Variants in GRID2 observed in about 807,000 individuals in gnomAD.
The protein encoded by GRID2 is glutamate receptor ionotropic, delta-2.
Under a neutral mutation model 114.8 loss-of-function variants are expected in GRID2, and 33 were observed. The ratio of observed to expected loss-of-function variants is 0.29; its 90% CI spans 0.22 to 0.38. The LOEUF (loss-of-function observed/expected upper bound fraction) is 0.38, where lower values mean the gene tolerates loss of function less well. GRID2 is among the 10% of genes least tolerant of loss of function. GRID2 has a pLI of 1.00. For missense variants in GRID2, 1,184 were observed against 1,257.7 expected (o/e 0.94, Z 0.89); for synonymous variants, 505 against 449.9 (o/e 1.12, Z -1.55).
At position 93,034,290 on chromosome 4, in the gene GRID2, G is replaced by A. The variant is rs138898637; in HGVS notation, c.245-50705G>A. Among the ~76,000 whole-genome samples, 296 of 152,246 alleles carry A rather than the reference G, an allele frequency of 1.9e-3. 2 individuals carry two copies. Among genetic ancestry groups the A allele is most frequent in the African/African-American group, 6.9e-3 (288 of 41,540 alleles). On this transcript the variant is annotated intron_variant, in intron 2 of 15. Transcript: ENST00000282020. ...TTCTCAAATAATAGAAGGCAATAAT[G>A]TGGGCAAGGCAGACAGTCTGTCATC...
At chr4:92,960,892 A>G in intron 2 of GRID2, among the ~76,000 whole-genome samples, 1 of 151,618 alleles carries the variant, frequency 6.6e-6, no homozygotes, top group East Asian at 1.9e-4. Context: ...TTTTTATCTT[A>G]GCATATCAGT....
intron 1 of GRID2, among the ~76,000 whole-genome samples, chr4:92,306,864 C>T (rs1181045232): frequency 1.3e-5 from 2 of 152,120 alleles, no homozygotes; most frequent in African/African-American, 4.8e-5. Flanking sequence ...ATCCTACTAA[C>T]AGATATAGTT....
At chr4:93,635,661 T>A (rs879548061) in intron 14 of GRID2, among the ~76,000 whole-genome samples, 12 of 152,184 alleles carry the variant, frequency 7.9e-5, no homozygotes, top group East Asian at 1.9e-4. Context: ...TCTATCATTC[T>A]TTTTCTGTTT....
exon 2 of GRID2, chr4:93,808,974 C>A (rs373419291): frequency 6.6e-6 from 1 of 152,202 alleles, no homozygotes; most frequent in East Asian, 1.9e-4. Context: ...TTATTTAAAG[C>A]AAGGATTTGG....
intron 14 of GRID2, among the ~76,000 whole-genome samples, chr4:93,763,769 G>A (rs1484315491): frequency 6.6e-6 from 1 of 152,128 alleles, no homozygotes; most frequent in East Asian, 1.9e-4. Context: ...CCATAAAATG[G>A]GGGAGGAGAA....
chr4:92,484,855 A>T (rs1722788533), intron 1 of GRID2, among the ~76,000 whole-genome samples: 2 of 152,030 alleles, frequency 1.3e-5, no homozygotes, highest in Admixed American at 6.6e-5. Flanking sequence ...AAGCTATTTT[A>T]CATTATTATG....
At chr4:93,302,635 C>T (rs1391598515) in intron 8 of GRID2, 1 of 455,248 alleles carries the variant, frequency 2.2e-6, no homozygotes, top group Non-Finnish European at 4.4e-6. Flanking sequence ...ATCTTCTGTA[C>T]ACTTGCAAAG....
chr4:92,308,607 A>G (rs1042381769), intron 1 of GRID2, among the ~76,000 whole-genome samples: 1 of 152,170 alleles, frequency 6.6e-6, no homozygotes, highest in Non-Finnish European at 1.5e-5. Flanking sequence ...GGTAAATAAA[A>G]GGTGTCAACA....
chr4:93,195,904 T>A (rs1479683865), intron 4 of GRID2, among the ~76,000 whole-genome samples: 1 of 152,188 alleles, frequency 6.6e-6, no homozygotes, highest in Admixed American at 6.5e-5. Context: ...AGCAGATGAC[T>A]TCGAATGTTC....
intron 1 of GRID2, among the ~76,000 whole-genome samples, chr4:92,348,026 G>T (rs975299632): frequency 6.6e-5 from 10 of 152,302 alleles, no homozygotes; most frequent in South Asian, 2.1e-4. Context: ...CATAGTCATA[G>T]TTCACTGCAA....
Position 93,470,560 on chromosome 4 carries a change from C to T in GRID2, c.1858+14586C>T, listed in dbSNP as rs182048195. ...GTTTATAGCTCAGGTGTAGATAATT[C>T]CATATACCAAATAAATATTATCGTG... On this transcript the variant is annotated intron_variant, in intron 11 of 15. Coordinates refer to ENST00000282020, the MANE Select transcript of GRID2 (RefSeq NM_001510.4). Among the ~76,000 whole-genome samples the T allele has an allele frequency of 1.0e-3, 159 of 151,930 alleles. 2 individuals carry two copies. The highest frequency in any genetic ancestry group is 2.9e-4 in the Non-Finnish European group (20 of 67,880).
intron 14 of GRID2, among the ~76,000 whole-genome samples, chr4:93,683,120 A>G (rs1459917782): frequency 1.3e-5 from 2 of 151,852 alleles, no homozygotes; most frequent in Admixed American, 6.6e-5. Flanking sequence ...TTGGGGGGAA[A>G]AAAAGCTCTC....
At chr4:93,721,760 T>C (rs1396219135) in intron 14 of GRID2, among the ~76,000 whole-genome samples, 1 of 152,148 alleles carries the variant, frequency 6.6e-6, no homozygotes, top group Non-Finnish European at 1.5e-5. Context: ...ATTTATTTAT[T>C]TAATTGCTAA....
intron 1 of GRID2, among the ~76,000 whole-genome samples, chr4:93,796,514 C>T (rs980532002): frequency 6.6e-6 from 1 of 151,452 alleles, no homozygotes; most frequent in Non-Finnish European, 1.5e-5. Context: ...ACAGAAGGAA[C>T]CAGTCATGGA....
At chr4:93,617,319 T>A (rs1269170986) in intron 13 of GRID2, among the ~76,000 whole-genome samples, 1 of 152,242 alleles carries the variant, frequency 6.6e-6, no homozygotes, top group Non-Finnish European at 1.5e-5. Flanking sequence ...ATGCCCAAAC[T>A]AACTCATAGC....
At chr4:92,345,861 C>T (rs558404882) in intron 1 of GRID2, among the ~76,000 whole-genome samples, 16 of 152,222 alleles carry the variant, frequency 1.1e-4, no homozygotes, top group African/African-American at 3.9e-4. Flanking sequence ...CTTTTGGTTT[C>T]TTAATTAACC....
At chr4:92,329,558 T>C (rs1726771099) in intron 1 of GRID2, among the ~76,000 whole-genome samples, 1 of 152,068 alleles carries the variant, frequency 6.6e-6, no homozygotes, top group East Asian at 1.9e-4. Context: ...CTGTCTACTT[T>C]ATAGAGTTGT....
At chr4:93,281,772 A>G (rs994251875) in intron 8 of GRID2, among the ~76,000 whole-genome samples, 21 of 152,036 alleles carry the variant, frequency 1.4e-4, no homozygotes, top group African/African-American at 4.6e-4. Context: ...AACTTTGACC[A>G]TATATAGAGA....
intron 13 of GRID2, among the ~76,000 whole-genome samples, chr4:93,612,148 GT>G (rs562961924): frequency 6.6e-6 from 1 of 151,400 alleles, no homozygotes; most frequent in African/African-American, 2.4e-5. Flanking sequence ...GCCTTTTTTT[GT>G]TTTCCATTGG....
Sources: gnomAD v4.1 joint callset for allele counts (sites outside exome capture counted in the v4.1 genomes callset) on GRCh38, gnomAD v4.1.1 for gene constraint, MANE v1.5 for transcripts, NCBI Gene and HGNC (gene_info 2026-07-23, HGNC 2026-07-21) for gene names.